MICAL3: variants seen among roughly 807,000 people sequenced by gnomAD.
MICAL3 encodes microtubule associated monooxygenase, calponin and LIM domain containing 3.
Under a neutral mutation model 207.4 loss-of-function variants are expected in MICAL3, and 62 were observed. That is an observed-to-expected ratio of 0.30 (90% CI 0.24 to 0.37). MICAL3 has a LOEUF of 0.37. Among genes scored for constraint, MICAL3 ranks in the 10% least tolerant of loss-of-function variants. The probability of loss-of-function intolerance (pLI) is 1.00; values close to 1 mark genes in which losing one functional copy is unlikely to be tolerated. For missense variants in MICAL3, 2,368 were observed against 2,635.6 expected, an observed-to-expected ratio of 0.90 and a Z score of 2.22; for synonymous variants, 1,077 against 1,069.3, an observed-to-expected ratio of 1.01 and a Z score of -0.14.
chr22:17,830,278 G>A (rs5992873), intron 21 of MICAL3, among the ~76,000 whole-genome samples: 68,061 of 151,972 alleles, frequency 0.45, 15,934 homozygotes, highest in African/African-American at 0.56. Flanking sequence ...TCGGCTGCCC[G>A]ACAGACACAC....
intron 22 of MICAL3, among the ~76,000 whole-genome samples, chr22:17,827,405 T>G (rs530493739): frequency 6.6e-6 from 1 of 152,266 alleles, no homozygotes; most frequent in Admixed American, 6.5e-5. Context: ...TCAGGTTCAT[T>G]TTACCATTTT....
At chr22:17,886,391 G>A (rs1340190226) in intron 15 of MICAL3, among the ~76,000 whole-genome samples, 1 of 152,260 alleles carries the variant, frequency 6.6e-6, no homozygotes, top group Non-Finnish European at 1.5e-5. Flanking sequence ...GAGAGGCCAG[G>A]CATGGTGGCT....
intron 19 of MICAL3, chr22:17,863,706 G>A (rs2146136225): frequency 3.0e-6 from 3 of 985,340 alleles, no homozygotes; most frequent in Non-Finnish European, 3.6e-6. Flanking sequence ...CTAGCCTCTG[G>A]GCGCATCTTC....
At chr22:17,872,356 G>A (rs756058643) in intron 16 of MICAL3, among the ~76,000 whole-genome samples, 1 of 152,108 alleles carries the variant, frequency 6.6e-6, no homozygotes, top group Non-Finnish European at 1.5e-5. Context: ...GGGAAATATC[G>A]ACAAGAAAGA....
In MICAL3 at chr22:17,875,682, T is replaced by A. The variant is rs1340444582; in HGVS notation, c.2242-3659A>T. On this transcript the variant is annotated intron_variant, in intron 16 of 31. Coordinates refer to ENST00000441493, the MANE Select transcript of MICAL3 (RefSeq NM_015241.3). Reference sequence around the variant, plus strand: ...ACCTTTATCTAAATACCATGTATAGTAAAAAAAAAAAAAAAAAAAAAGTAG... The same window carrying A: ...ACCTTTATCTAAATACCATGTATAGAAAAAAAAAAAAAAAAAAAAAAGTAG... 8.6e-4 allele frequency: 146 copies of A among 170,746 alleles called. No homozygotes were observed. The highest frequency in any genetic ancestry group is 2.4e-3 in the Middle Eastern group (1 of 410). 10.6% of individuals were successfully genotyped at this position (170,746 alleles called of 1,614,324 possible).
intron 29 of MICAL3, among the ~76,000 whole-genome samples, chr22:17,794,563 C>T (rs1347830049): frequency 6.6e-6 from 1 of 152,226 alleles, no homozygotes; most frequent in African/African-American, 2.4e-5. Context: ...AGGTGACTTC[C>T]ACCCGTCCGT....
chr22:17,922,124 C>CT (rs1425295912), intron 1 of MICAL3, among the ~76,000 whole-genome samples: 4 of 150,260 alleles, frequency 2.7e-5, no homozygotes, highest in Non-Finnish European at 4.4e-5. Context: ...AGCCAATCAC[C>CT]TTTTCCCCTG....
chr22:17,872,990 TG>T, intron 16 of MICAL3: 1 of 659,350 alleles, frequency 1.5e-6, no homozygotes, highest in Non-Finnish European at 2.7e-6. Flanking sequence ...CAGCAAACCA[TG>T]CCAACACAGT....
rs532691504 is a variant in MICAL3 at position 17,832,462 on chromosome 22, C to T, written c.2802-355G>A. 2.3e-3 allele frequency among the ~76,000 whole-genome samples: 346 copies of T among 152,304 alleles called. 1 individual carries two copies. Among genetic ancestry groups the T allele is most frequent in the African/African-American group, 8.0e-3 (333 of 41,564 alleles). ...GCAGAACTGGGAGAGCAGCTCCTCA[C>T]GGAGCCCATGGAAGTTCCTGACTGC... On this transcript the variant is annotated intron_variant, in intron 20 of 31. Coordinates refer to ENST00000441493, the MANE Select transcript of MICAL3 (RefSeq NM_015241.3).
At chr22:17,941,435 G>A (rs1343270692) in intron 1 of MICAL3, among the ~76,000 whole-genome samples, 2 of 152,208 alleles carry the variant, frequency 1.3e-5, no homozygotes, top group African/African-American at 4.8e-5. Context: ...TTGGAGAGAG[G>A]CCAATGGATT....
At chr22:17,905,432 G>A (rs1456809101) in intron 2 of MICAL3, among the ~76,000 whole-genome samples, 1 of 152,210 alleles carries the variant, frequency 6.6e-6, no homozygotes, top group Non-Finnish European at 1.5e-5. Flanking sequence ...GTACTGAGCA[G>A]GAGACTGGAC....
chr22:18,000,287 C>T (rs534751164), intron 1 of MICAL3, among the ~76,000 whole-genome samples: 1 of 151,746 alleles, frequency 6.6e-6, no homozygotes, highest in African/African-American at 2.4e-5. Flanking sequence ...CACAGTTGAC[C>T]TTCATTCCTC....
At chr22:17,950,337 G>GTTTTTTTTTT (rs764642603) in intron 1 of MICAL3, among the ~76,000 whole-genome samples, 7 of 89,328 alleles carry the variant, frequency 7.8e-5, no homozygotes, top group Admixed American at 1.3e-4. Context: ...TTTTGTTTTT[G>GTTTTTTTTTT]TTTTTTTTTT....
intron 1 of MICAL3, among the ~76,000 whole-genome samples, chr22:17,962,300 C>T (rs1231107328): frequency 6.6e-6 from 1 of 152,188 alleles, no homozygotes; most frequent in Non-Finnish European, 1.5e-5. Flanking sequence ...GAGCTGGGAT[C>T]TGGGAAGGAA....
intron 1 of MICAL3, chr22:17,983,603 CAG>C (rs1936024108): frequency 6.5e-6 from 1 of 152,838 alleles, no homozygotes; most frequent in Non-Finnish European, 1.5e-5. Context: ...TCTGCCTCCT[CAG>C]AGTCTCCACA....
intron 1 of MICAL3, among the ~76,000 whole-genome samples, chr22:17,989,105 C>A (rs1921370225): frequency 6.6e-6 from 1 of 152,160 alleles, no homozygotes; most frequent in Admixed American, 6.5e-5. Flanking sequence ...GTGTTCAAAC[C>A]CCCGGCAGGT....
Position 17,896,293 on chromosome 22 carries a change from G to T in MICAL3, c.1275C>A (p.Val425=). Residue 425 remains valine, a synonymous_variant, in exon 9 of 32, where the codon GTC becomes GTA. Transcript: ENST00000441493. ...GGCTCGTTCCTAGAGACCAACTTCG[G>T]ACCATCCAGGCAGAGTCCATAGCAG... ...FLAAMDSAWM[V]RSWSLGTSPL... 6.4e-7 allele frequency: 1 copy of T among 1,560,992 alleles called. No individual in the cohort carries two copies. The highest frequency in any genetic ancestry group is 1.4e-5 in the African/African-American group (1 of 73,474).
chr22:17,901,761 G>GC, intron 5 of MICAL3, 117 bp downstream of exon 5: 1 of 652,372 alleles, frequency 1.5e-6, no homozygotes. Flanking sequence ...AGGGCAGGAA[G>GC]CACACATTCA....
At position 17,901,908 on chromosome 22, in the gene MICAL3, C is replaced by T. The variant is rs1465778896; in HGVS notation, c.661G>A (p.Gly221Ser). 6.2e-7 allele frequency: 1 copy of T among 1,613,612 alleles called. No individual in the cohort carries two copies. The highest frequency in any genetic ancestry group is 8.5e-7 in the Non-Finnish European group (1 of 1,179,636). The change falls in exon 5 of 32, where the codon GGT (glycine) becomes AGT (serine). Residue 221 changes from glycine to serine, a missense_variant. Physicochemically the swap from Gly to Ser is moderately conservative, Grantham distance 56. Coordinates refer to ENST00000441493, the MANE Select transcript of MICAL3 (RefSeq NM_015241.3). ...VSEYEFEVII[G>S]GDGRRNTLEG... ...AAGGTGTTCCTCCGACCATCCCCAC[C>T]GATGATCACTTCAAATTCATACTCT...
Sources: allele counts gnomAD v4.1 joint callset (sites outside exome capture counted in the v4.1 genomes callset), GRCh38; gene constraint gnomAD v4.1.1; transcripts MANE v1.5; gene names NCBI Gene and HGNC (gene_info 2026-07-23, HGNC 2026-07-21).